MANEA: variants seen among roughly 807,000 people sequenced by gnomAD.
MANEA encodes the protein mannosidase endo-alpha, also known as glycoprotein endo-alpha-1,2-mannosidase.
MANEA carries 25 observed loss-of-function variants against 36.8 expected under a neutral mutation model. The ratio of observed to expected loss-of-function variants is 0.68; its 90% CI spans 0.50 to 0.95. The LOEUF is 0.95. MANEA is among the 40% of genes least tolerant of loss of function. The probability of loss-of-function intolerance (pLI) is 0.00; values close to 1 mark genes in which losing one functional copy is unlikely to be tolerated. For missense variants in MANEA, 565 were observed against 558.8 expected, an observed-to-expected ratio of 1.01 and a Z score of -0.11; for synonymous variants, 198 against 188.5, an observed-to-expected ratio of 1.05 and a Z score of -0.41.
In MANEA at chr6:95,587,002, T is replaced by TAC; in HGVS notation, c.544+20_544+21insCA. On this transcript the variant is annotated intron_variant, in intron 2 of 4. Coordinates refer to ENST00000358812, the MANE Select transcript of MANEA (RefSeq NM_024641.4). ...TCAATTGGTAATTATTGTATATATA[T>TAC]ATATGTGTGTTTGTGTCTGTATATA... is the stretch of plus-strand genomic sequence containing the variant. 1 of 1,413,484 alleles carries TAC rather than the reference T, an allele frequency of 7.1e-7. No individual in the cohort carries two copies. Among genetic ancestry groups the TAC allele is most frequent in the South Asian group, 1.2e-5 (1 of 84,172 alleles). 87.6% of individuals were successfully genotyped at this position (1,413,484 alleles called of 1,614,324 possible). A position where few individuals can be genotyped will look rare whatever the true frequency, so the allele number is the denominator to read the frequency against.
chr6:95,605,550 A>T (rs1218564853), intron 4 of MANEA, among the ~76,000 whole-genome samples, 198 bp from the exon 5 acceptor site: 5 of 152,160 alleles, frequency 3.3e-5, no homozygotes, highest in Non-Finnish European at 7.4e-5. Flanking sequence ...TTGTTTGGTA[A>T]TGCATCCAGT....
At chr6:95,602,742 C>T (rs903765011) in intron 3 of MANEA, among the ~76,000 whole-genome samples, 1 of 151,862 alleles carries the variant, frequency 6.6e-6, no homozygotes, top group South Asian at 2.1e-4. Context: ...AAGTAATGGC[C>T]GGGCGCGGTG....
intron 1 of MANEA, among the ~76,000 whole-genome samples, chr6:95,581,974 C>T (rs1321345647): frequency 6.6e-6 from 1 of 151,694 alleles, no homozygotes; most frequent in Non-Finnish European, 1.5e-5. Context: ...AGTATATTTC[C>T]TTCTATGTGT....
intron 2 of MANEA, among the ~76,000 whole-genome samples, chr6:95,587,723 G>T (rs539899463): frequency 3.9e-5 from 6 of 152,074 alleles, no homozygotes; most frequent in African/African-American, 1.4e-4. Context: ...ATGTAATTTA[G>T]TCCTGCTTTT....
chr6:95,591,434 G>A (rs765704792), intron 2 of MANEA, among the ~76,000 whole-genome samples: 11 of 151,760 alleles, frequency 7.2e-5, no homozygotes, highest in Non-Finnish European at 1.3e-4. Context: ...CATGGTTTCT[G>A]ATGAGTAGTC....
At chr6:95,587,218 G>T in intron 2 of MANEA, 1 of 430,526 alleles carries the variant, frequency 2.3e-6, no homozygotes, top group Non-Finnish European at 4.2e-6. Flanking sequence ...ATATATTGTT[G>T]ATTTCTAATT....
chr6:95,587,438 A>G (rs1769310541), intron 2 of MANEA: 1 of 165,444 alleles, frequency 6.0e-6, no homozygotes, highest in African/African-American at 2.4e-5. Flanking sequence ...TGAAAACTGT[A>G]TACATATCAG....
intron 1 of MANEA, among the ~76,000 whole-genome samples, chr6:95,579,005 C>G (rs950593599): frequency 2.0e-5 from 3 of 152,094 alleles, no homozygotes; most frequent in African/African-American, 7.2e-5. Flanking sequence ...GGTTTCTTGG[C>G]CATTTGCTGG....
In MANEA at chr6:95,606,432, C is replaced by G; in HGVS notation, c.*27C>G. ...GCATTGATTAAAGTTTAATAGTTAT[C>G]AAAATCACCTAATTTTTAAAAATAG... is the stretch of plus-strand genomic sequence containing the variant. On this transcript the variant is annotated 3_prime_UTR_variant, in exon 5 of 5. Transcript: ENST00000358812. The G allele has an allele frequency of 6.7e-7, 1 of 1,502,960 alleles. No individual in the cohort carries two copies. Among genetic ancestry groups the G allele is most frequent in the Non-Finnish European group, 8.9e-7 (1 of 1,126,266 alleles). The allele number at this position is 1,502,960 out of a possible 1,614,324, so 93.1% of individuals were successfully genotyped here.
At chr6:95,596,934 T>C in intron 3 of MANEA, 88 bp downstream of exon 3, 1 of 572,224 alleles carries the variant, frequency 1.7e-6, no homozygotes. Context: ...GTAATTTTAA[T>C]TAAAAATGAT....
At position 95,607,521 on chromosome 6, in the gene MANEA, G is replaced by C. The variant is rs1769739893; in HGVS notation, c.*1116G>C. The C allele has an allele frequency of 6.6e-6, 1 of 151,850 alleles. No homozygotes were observed. The highest frequency in any genetic ancestry group is 1.5e-5 in the Non-Finnish European group (1 of 67,830). The allele number at this position is 151,850 out of a possible 1,614,324, so 9.4% of individuals were successfully genotyped here. On this transcript the variant is annotated 3_prime_UTR_variant, in exon 5 of 5. Transcript: ENST00000358812. ...GTCCTGAAGTTTGGCTTTACATTAA[G>C]TTTAGCACTGTATCAGAATGAAGAA...
intron 3 of MANEA, among the ~76,000 whole-genome samples, chr6:95,602,401 G>A (rs1359519334): frequency 6.6e-6 from 1 of 152,120 alleles, no homozygotes; most frequent in East Asian, 1.9e-4. Context: ...ATTTTGTTGT[G>A]GCAGGGGATA....
At chr6:95,599,756 C>T (rs1162864430) in intron 3 of MANEA, among the ~76,000 whole-genome samples, 1 of 152,214 alleles carries the variant, frequency 6.6e-6, no homozygotes, top group East Asian at 1.9e-4. Flanking sequence ...TATTTCTGTC[C>T]ATAAAGCTGC....
chr6:95,604,971 A>G, intron 4 of MANEA, 68 bp downstream of exon 4: 1 of 525,612 alleles, frequency 1.9e-6, no homozygotes, highest in Non-Finnish European at 3.2e-6. Flanking sequence ...TAAGAATAGT[A>G]CATTAAATTA....
intron 1 of MANEA, among the ~76,000 whole-genome samples, chr6:95,580,618 G>C (rs1056325324): frequency 7.3e-5 from 11 of 151,558 alleles, no homozygotes; most frequent in African/African-American, 2.4e-4. Flanking sequence ...CCAGCTACTC[G>C]GGAGGCTGAA....
At chr6:95,587,044 T>C in intron 2 of MANEA, 61 bp downstream of exon 2, 1 of 967,074 alleles carries the variant, frequency 1.0e-6, no homozygotes. Context: ...TAAATGATTT[T>C]TTGTGTAACT....
intron 1 of MANEA, among the ~76,000 whole-genome samples, chr6:95,585,237 A>C (rs1403098217): frequency 6.6e-6 from 1 of 152,198 alleles, no homozygotes; most frequent in East Asian, 1.9e-4. Flanking sequence ...TAAAACAAAA[A>C]CACATATAAT....
chr6:95,591,748 A>G (rs1157781336), intron 2 of MANEA, among the ~76,000 whole-genome samples: 3 of 152,090 alleles, frequency 2.0e-5, no homozygotes, highest in Non-Finnish European at 4.4e-5. Context: ...CCCAGGCTGG[A>G]GTGCAGTGGC....
chr6:95,582,953 G>T (rs1030218007), intron 1 of MANEA, among the ~76,000 whole-genome samples: 1 of 152,072 alleles, frequency 6.6e-6, no homozygotes, highest in East Asian at 1.9e-4. Context: ...TTCTCAGTAC[G>T]GGTTCGCTGA....
Sources: gnomAD v4.1 joint callset for allele counts (sites outside exome capture counted in the v4.1 genomes callset) on GRCh38, gnomAD v4.1.1 for gene constraint, MANE v1.5 for transcripts, NCBI Gene and HGNC (gene_info 2026-07-23, HGNC 2026-07-21) for gene names.